KANSL1: variants seen among roughly 807,000 people sequenced by gnomAD.
The protein encoded by KANSL1 is KAT8 regulatory NSL complex subunit 1.
In KANSL1, 22 loss-of-function variants were observed where a neutral mutation model predicts 103.6. That is an observed-to-expected ratio of 0.21 (90% CI 0.15 to 0.30). The LOEUF (loss-of-function observed/expected upper bound fraction) is 0.30, where lower values mean the gene tolerates loss of function less well. KANSL1 is among the 10% of genes least tolerant of loss of function. The pLI is 1.00. For missense variants in KANSL1, 1,337 were observed against 1,399.8 expected (o/e 0.96, Z 0.72); for synonymous variants, 600 against 527.6 (o/e 1.14, Z -1.88).
At chr17:46,099,534 T>G (rs376156457) in intron 2 of KANSL1, among the ~76,000 whole-genome samples, 6 of 152,186 alleles carry the variant, frequency 3.9e-5, no homozygotes, top group African/African-American at 1.4e-4. Flanking sequence ...AGGACTAAGG[T>G]TGCAGAATAA....
At chr17:46,219,264 G>A (rs4061009) in intron 1 of KANSL1, among the ~76,000 whole-genome samples, 15,148 of 114,002 alleles carry the variant, frequency 0.13, 25 homozygotes, top group Middle Eastern at 0.18. Flanking sequence ...AAAAAAAAAA[G>A]GAAGAAGAAT....
intron 2 of KANSL1, among the ~76,000 whole-genome samples, chr17:46,131,669 TTGAC>T (rs2043867886): frequency 6.6e-6 from 1 of 152,170 alleles, no homozygotes; most frequent in South Asian, 2.1e-4. Context: ...GCTTATAAAT[TTGAC>T]TGAGGAGATA....
intron 2 of KANSL1, among the ~76,000 whole-genome samples, chr17:46,096,800 G>T (rs1401570948): frequency 1.3e-5 from 2 of 151,798 alleles, no homozygotes; most frequent in African/African-American, 4.8e-5. Context: ...TGTATTTTTA[G>T]TAGAGACGGG....
intron 2 of KANSL1, among the ~76,000 whole-genome samples, chr17:46,158,377 T>C (rs1276277989): frequency 6.6e-6 from 1 of 152,056 alleles, no homozygotes; most frequent in Non-Finnish European, 1.5e-5. Context: ...TTTTTTTTTT[T>C]TTGAGACAGT....
At chr17:46,177,756 G>A (rs2046591003) in intron 1 of KANSL1, among the ~76,000 whole-genome samples, 1 of 151,774 alleles carries the variant, frequency 6.6e-6, no homozygotes, top group African/African-American at 2.4e-5. Context: ...CAATAACTAA[G>A]TAAAACAAAA....
At chr17:46,074,806 A>T (rs145755874) in intron 4 of KANSL1, among the ~76,000 whole-genome samples, 3 of 145,890 alleles carry the variant, frequency 2.1e-5, no homozygotes, top group East Asian at 3.9e-4. Flanking sequence ...TAAATAAATA[A>T]ATATTGTCAG....
At chr17:46,160,691 T>C (rs1362439333) in intron 2 of KANSL1, among the ~76,000 whole-genome samples, 1 of 152,236 alleles carries the variant, frequency 6.6e-6, no homozygotes, top group Non-Finnish European at 1.5e-5. Flanking sequence ...CATATGGCCA[T>C]TATACCTTTC....
intron 2 of KANSL1, among the ~76,000 whole-genome samples, chr17:46,100,444 C>CAAA (rs369274727): frequency 4.5e-5 from 4 of 88,260 alleles, no homozygotes; most frequent in African/African-American, 8.5e-5. Flanking sequence ...TCCCTCTCCC[C>CAAA]AAAAAAAAAA....
At chr17:46,219,878 C>T (rs1249033335) in intron 1 of KANSL1, among the ~76,000 whole-genome samples, 2 of 152,148 alleles carry the variant, frequency 1.3e-5, no homozygotes, top group Non-Finnish European at 2.9e-5. Context: ...CCGAGTTGGG[C>T]GGATCATGAG....
chr17:46,105,929 A>G lies in KANSL1; in HGVS notation c.1290-11228T>C, dbSNP rs921676786. On this transcript the variant is annotated intron_variant, in intron 2 of 14. Coordinates refer to ENST00000432791, the MANE Select transcript of KANSL1 (RefSeq NM_015443.4). ...TTGACACACACACACACACACACAC[A>G]CACACACACACACACACACCCCCCC... Among the ~76,000 whole-genome samples, 35 of 106,156 alleles carry G rather than the reference A, an allele frequency of 3.3e-4. No individual in the cohort carries two copies. The East Asian group carries it at 6.8e-3, about 21-fold the overall frequency. 69.6% of individuals were successfully genotyped at this position (106,156 alleles called of 152,430 possible). A position where few individuals can be genotyped will look rare whatever the true frequency, so the allele number is the denominator to read the frequency against.
intron 2 of KANSL1, among the ~76,000 whole-genome samples, chr17:46,118,657 G>A (rs1598666690): frequency 6.6e-6 from 1 of 152,208 alleles, no homozygotes; most frequent in East Asian, 1.9e-4. Flanking sequence ...AACTTTCCTT[G>A]CTGAAGCCAG....
chr17:46,070,920 G>C (rs2078552885), intron 4 of KANSL1, among the ~76,000 whole-genome samples: 1 of 152,122 alleles, frequency 6.6e-6, no homozygotes, highest in African/African-American at 2.4e-5. Flanking sequence ...CACTTGTCAA[G>C]ATAAAATGTT....
chr17:46,073,560 G>A (rs528890743), intron 4 of KANSL1, among the ~76,000 whole-genome samples: 20 of 152,092 alleles, frequency 1.3e-4, no homozygotes, highest in Admixed American at 7.2e-4. Context: ...GACGTTGAGT[G>A]AGAAAAGGAT....
chr17:46,194,462 C>T (rs1332409785), upstream of KANSL1, among the ~76,000 whole-genome samples: 2 of 152,218 alleles, frequency 1.3e-5, no homozygotes, highest in Non-Finnish European at 2.9e-5. Context: ...TTTATATTGT[C>T]CCCAAAATAG....
intron 4 of KANSL1, among the ~76,000 whole-genome samples, chr17:46,068,367 C>T (rs1479084614): frequency 1.3e-5 from 2 of 151,960 alleles, no homozygotes; most frequent in Non-Finnish European, 2.9e-5. Flanking sequence ...GGTTCAAGAC[C>T]AGCCTGGGCA....
chr17:46,031,480 CTG>C lies in KANSL1; in HGVS notation c.3312_3313del (p.His1104GlnfsTer13), dbSNP rs761370843. ...GTTTAGATGGCTGTCTCCCGCTCAT[CTG>C]TGAGTCGGGCGCTGAGCTGTGGCTG... On this transcript the variant is annotated frameshift_variant, in exon 15 of 15. Transcript: ENST00000432791. LOFTEE classifies it high-confidence loss of function. 3.1e-5 allele frequency: 50 copies of C among 1,604,024 alleles called. No homozygotes were observed. In the East Asian group the frequency reaches 1.1e-3, roughly 34 times the overall value.
At chr17:46,225,358 G>C (rs1380163145), upstream of KANSL1, 1 of 153,520 alleles carries the variant, frequency 6.5e-6, no homozygotes, top group Non-Finnish European at 1.5e-5. Flanking sequence ...GTTCAACCAA[G>C]CCTAGAAGTG....
At chr17:46,085,582 C>T (rs1409078005) in intron 3 of KANSL1, among the ~76,000 whole-genome samples, 1 of 152,140 alleles carries the variant, frequency 6.6e-6, no homozygotes, top group African/African-American at 2.4e-5. Flanking sequence ...CTCCCCCTCC[C>T]GGGCTCAAGT....
At chr17:46,149,095 C>T (rs2044919959) in intron 2 of KANSL1, among the ~76,000 whole-genome samples, 1 of 151,482 alleles carries the variant, frequency 6.6e-6, no homozygotes, top group Non-Finnish European at 1.5e-5. Context: ...CTCCACCTCC[C>T]GGGTTCACGC....
Sources: gnomAD v4.1 joint callset for allele counts (sites outside exome capture counted in the v4.1 genomes callset) on GRCh38, gnomAD v4.1.1 for gene constraint, MANE v1.5 for transcripts, NCBI Gene and HGNC (gene_info 2026-07-23, HGNC 2026-07-21) for gene names.